Variants in XPO1 observed in about 807,000 individuals in gnomAD.
XPO1 encodes the protein exportin 1.
XPO1 carries 5 observed loss-of-function variants against 133.3 expected under a neutral mutation model. The ratio of observed to expected loss-of-function variants is 0.04; its 90% confidence interval spans 0.02 to 0.08. The LOEUF is 0.08. Ranked by LOEUF, XPO1 falls within the 10% of genes least tolerant of loss-of-function variation. XPO1 has a pLI of 1.00. For missense variants in XPO1, 506 were observed against 1,267.5 expected (o/e 0.40, Z 9.12); for synonymous variants, 419 against 408.2 (o/e 1.03, Z -0.32).
chr2:61,482,602 T>TG (rs201035794), intron 22 of XPO1, 63 bp from the exon 23 acceptor site: 1 of 1,333,918 alleles, frequency 7.5e-7, no homozygotes, highest in Non-Finnish European at 9.8e-7. Context: ...TTAGCGTTTT[T>TG]TTTTGTTTTG....
chr2:61,497,767 C>A (rs1248527388), intron 9 of XPO1, among the ~76,000 whole-genome samples: 1 of 152,010 alleles, frequency 6.6e-6, no homozygotes, highest in Non-Finnish European at 1.5e-5. Context: ...GCATTAAAAC[C>A]TTAAAATTAA....
chr2:61,492,143 T>C lies in XPO1; in HGVS notation c.1779A>G (p.Gln593=), dbSNP rs759328378. 1.6e-5 allele frequency: 26 copies of C among 1,614,074 alleles called. No individual in the cohort carries two copies. Among genetic ancestry groups the C allele is most frequent in the South Asian group, 2.2e-5 (2 of 91,078 alleles). The change falls in exon 16 of 25, where the codon CAA becomes CAG. Residue 593 remains glutamine, a synonymous_variant. Coordinates refer to ENST00000401558, the MANE Select transcript of XPO1 (RefSeq NM_003400.4). The surrounding 1 kb of genome is among the most constrained non-coding windows in gnomAD (Gnocchi z 5.6). ...MACDTFIKIA[Q]KCRRHFVQVQ... ...CCTGAACGAAATGCCTGCGGCATTT[T>C]TGGGCTATTTTAATGAAAGTATCAC...
At chr2:61,495,996 C>A (rs1697222686) in intron 10 of XPO1, among the ~76,000 whole-genome samples, 1 of 152,034 alleles carries the variant, frequency 6.6e-6, no homozygotes, top group South Asian at 2.1e-4. Context: ...GCCCTAATAT[C>A]CCAACACCCT....
chr2:61,518,660 A>G (rs1698532457), intron 4 of XPO1, among the ~76,000 whole-genome samples: 1 of 152,056 alleles, frequency 6.6e-6, no homozygotes, highest in African/African-American at 2.4e-5. Context: ...AAACCAAAGA[A>G]AAAAAGACAC....
chr2:61,504,199 T>C (rs772067050), intron 4 of XPO1, among the ~76,000 whole-genome samples: 4 of 152,248 alleles, frequency 2.6e-5, no homozygotes, highest in Admixed American at 6.5e-5. Flanking sequence ...TCTTTACTTA[T>C]GGATCTCTTC....
intron 4 of XPO1, among the ~76,000 whole-genome samples, chr2:61,516,517 C>A (rs368590385): frequency 6.6e-6 from 1 of 151,946 alleles, no homozygotes; most frequent in Admixed American, 6.6e-5. Context: ...CGGGTTCAAG[C>A]GATTCTCCTG....
chr2:61,492,906 T>A lies in XPO1; in HGVS notation c.1384+9A>T, dbSNP rs770373697. The A allele has an allele frequency of 6.3e-7, 1 of 1,591,762 alleles. No individual in the cohort carries two copies. Among genetic ancestry groups the A allele is most frequent in the Non-Finnish European group, 8.5e-7 (1 of 1,171,302 alleles). On this transcript the variant is annotated intron_variant, in intron 13 of 24. Coordinates refer to ENST00000401558, the MANE Select transcript of XPO1 (RefSeq NM_003400.4). The surrounding 1 kb of genome is among the most constrained non-coding windows in gnomAD (Gnocchi z 5.6). Reference sequence around the variant, plus strand: ...TAAAGGTAAAGATTAACAGTATTTATTAACTTACCCAATGTTTCCCTCATA... The same window carrying A: ...TAAAGGTAAAGATTAACAGTATTTAATAACTTACCCAATGTTTCCCTCATA...
At chr2:61,526,117 A>G (rs1698896129) in intron 3 of XPO1, 3 of 1,155,580 alleles carry the variant, frequency 2.6e-6, no homozygotes, top group African/African-American at 3.2e-5. Context: ...TGTTATGTTT[A>G]ATCTCTGAAT....
rs1573140505 is a variant in XPO1 at position 61,496,793 on chromosome 2, G to A, written c.888+86C>T. On this transcript the variant is annotated intron_variant, in intron 10 of 24. Coordinates refer to ENST00000401558, the MANE Select transcript of XPO1 (RefSeq NM_003400.4). ...AAAGATTATGGCTTATCTTTGATAC[G>A]TCGTTCTAAAATAACTCATTTGGAA... 4.6e-6 allele frequency: 6 copies of A among 1,291,680 alleles called. No homozygotes were observed. In the East Asian group the frequency reaches 1.5e-4, roughly 31 times the overall value. 80.0% of individuals were successfully genotyped at this position (1,291,680 alleles called of 1,614,324 possible).
At chr2:61,500,445 G>A (rs1326605959) in intron 6 of XPO1, among the ~76,000 whole-genome samples, 1 of 151,838 alleles carries the variant, frequency 6.6e-6, no homozygotes, top group African/African-American at 2.4e-5. Flanking sequence ...GAGGCATGGT[G>A]ACGTGTGCCT....
intron 4 of XPO1, among the ~76,000 whole-genome samples, chr2:61,506,944 A>G (rs887387184): frequency 6.6e-6 from 1 of 152,044 alleles, no homozygotes; most frequent in Admixed American, 6.6e-5. Context: ...CAAAAGGTGA[A>G]GAAGGCCGGG....
At chr2:61,504,564 G>T (rs977328907) in intron 4 of XPO1, among the ~76,000 whole-genome samples, 1 of 152,088 alleles carries the variant, frequency 6.6e-6, no homozygotes, top group African/African-American at 2.4e-5. Context: ...TCAGATTTTT[G>T]GAAAAGCAGT....
chr2:61,480,693 A>G (rs1462715626), intron 24 of XPO1: 1 of 152,202 alleles, frequency 6.6e-6, no homozygotes, highest in Non-Finnish European at 1.5e-5. Flanking sequence ...TTCTTATTCA[A>G]CAATCATGGA....
intron 16 of XPO1, 125 bp from the exon 17 acceptor site, chr2:61,490,901 T>C: frequency 8.4e-7 from 1 of 1,190,050 alleles, no homozygotes; most frequent in Non-Finnish European, 1.2e-6. Context: ...ACTCCTGTAA[T>C]CCCAATACTT....
chr2:61,482,034 C>CTTTTTTTTTTTTT (rs1195049382), intron 23 of XPO1, among the ~76,000 whole-genome samples: 14 of 71,366 alleles, frequency 2.0e-4, no homozygotes, highest in South Asian at 5.5e-4. Context: ...CGTGCGTGGC[C>CTTTTTTTTTTTTT]TTTTTTTTTT....
At chr2:61,525,620 A>C in intron 3 of XPO1, 2 of 1,021,186 alleles carry the variant, frequency 2.0e-6, no homozygotes, top group African/African-American at 1.7e-5. Flanking sequence ...AAAATTTACC[A>C]GGCAAGCAAA....
chr2:61,534,987 GGTAAAAGCT>G (rs1558686371), intron 1 of XPO1, among the ~76,000 whole-genome samples: 1 of 152,122 alleles, frequency 6.6e-6, no homozygotes. Flanking sequence ...TCATTGGCAA[GGTAAAAGCT>G]GTAAAAGCTT....
chr2:61,502,324 T>G lies in XPO1; in HGVS notation c.302-14A>C. On this transcript the variant is annotated splice_polypyrimidine_tract_variant and intron_variant, in intron 4 of 24. Transcript: ENST00000401558. ...ATTTTTTTATTCCTATTAAAAAAATTGCACGTAATAAAAAAATTGTTGAGC... is the reference window on the plus strand; with the variant it reads ...ATTTTTTTATTCCTATTAAAAAAATGGCACGTAATAAAAAAATTGTTGAGC... 1 of 1,606,562 alleles carries G rather than the reference T, an allele frequency of 6.2e-7. No individual in the cohort carries two copies.
At chr2:61,522,471 G>A (rs1307084397) in intron 4 of XPO1, 140 bp downstream of exon 4, 4 of 706,500 alleles carry the variant, frequency 5.7e-6, no homozygotes, top group East Asian at 2.7e-5. Context: ...AAACAGACCT[G>A]TTTGCTTCAT....
Sources: allele counts gnomAD v4.1 joint callset (sites outside exome capture counted in the v4.1 genomes callset), GRCh38; gene constraint gnomAD v4.1.1; non-coding constraint Gnocchi (gnomAD v3.1); transcripts MANE v1.5; gene names NCBI Gene and HGNC (gene_info 2026-07-23, HGNC 2026-07-21).